RGS9: variants seen among roughly 807,000 people sequenced by gnomAD.
RGS9 encodes the protein regulator of G-protein signalling 9.
RGS9 carries 78 observed loss-of-function variants against 102.0 expected under a neutral mutation model. The ratio of observed to expected loss-of-function variants is 0.76; its 90% CI spans 0.64 to 0.92. The LOEUF is 0.92. RGS9 is among the 40% of genes least tolerant of loss of function. The probability of loss-of-function intolerance (pLI) is 0.00; values close to 1 mark genes in which losing one functional copy is unlikely to be tolerated. For synonymous variants in RGS9, 353 were observed against 318.6 expected, an observed-to-expected ratio of 1.11 and a Z score of -1.15; for missense variants, 833 against 866.1, an observed-to-expected ratio of 0.96 and a Z score of 0.48.
intron 9 of RGS9, among the ~76,000 whole-genome samples, chr17:65,187,876 G>A (rs1414455229): frequency 2.0e-5 from 3 of 152,116 alleles, no homozygotes; most frequent in Non-Finnish European, 2.9e-5. Context: ...TGTGCCTGTA[G>A]TCCCAGCTAC....
chr17:65,225,011 C>T lies in RGS9; in HGVS notation c.1417C>T (p.His473Tyr), dbSNP rs370685530. 2.9e-5 allele frequency: 46 copies of T among 1,613,702 alleles called. No individual in the cohort carries two copies. Among genetic ancestry groups the T allele is most frequent in the Non-Finnish European group, 3.7e-5 (44 of 1,179,990 alleles). The change falls in exon 18 of 19, where the codon CAC becomes TAC. Residue 473 changes from histidine to tyrosine, a missense_variant. By Grantham distance (83) the His-to-Tyr change is moderately conservative. Around this residue, in one of 3 missense-constraint regions of RGS9, gnomAD observed 320 missense variants for 276.8 expected, o/e 1.16. Coordinates refer to ENST00000262406, the MANE Select transcript of RGS9 (RefSeq NM_003835.4). ...NTVDITQPGQ[H>Y]MAPSPHLTVY... ...CTTTCCTTCTCTACAGCCGGGCCAG[C>T]ACATGGCTCCCAGCCCCCATCTGAC...
At chr17:65,165,168 A>G (rs1433380077) in intron 7 of RGS9, among the ~76,000 whole-genome samples, 1 of 152,110 alleles carries the variant, frequency 6.6e-6, no homozygotes, top group East Asian at 1.9e-4. Flanking sequence ...CCACAGGACT[A>G]TGAACCCTGA....
intron 18 of RGS9, among the ~76,000 whole-genome samples, chr17:65,226,785 T>C (rs564031515): frequency 6.6e-6 from 1 of 152,224 alleles, no homozygotes; most frequent in East Asian, 1.9e-4. Flanking sequence ...GCTAATTTTT[T>C]TGTATTTTTA....
intron 3 of RGS9, 79 bp downstream of exon 3, chr17:65,158,424 C>A (rs1910858147): frequency 7.7e-7 from 1 of 1,305,906 alleles, no homozygotes. Context: ...AGAGACTTAG[C>A]CTGTGTTTCT....
At chr17:65,168,780 T>C (rs1433227315) in intron 8 of RGS9, among the ~76,000 whole-genome samples, 1 of 152,130 alleles carries the variant, frequency 6.6e-6, no homozygotes, top group African/African-American at 2.4e-5. Flanking sequence ...TACGTCTGTG[T>C]TGAGCTTCTC....
chr17:65,154,263 C>T (rs946394773), intron 2 of RGS9, among the ~76,000 whole-genome samples: 2 of 152,160 alleles, frequency 1.3e-5, no homozygotes, highest in Admixed American at 6.5e-5. Context: ...GCCAAGATCG[C>T]ACCACTGCAC....
intron 9 of RGS9, among the ~76,000 whole-genome samples, chr17:65,179,494 T>TA (rs1911771216): frequency 6.6e-6 from 1 of 151,928 alleles, no homozygotes; most frequent in South Asian, 2.1e-4. Context: ...TGCTTTTTTT[T>TA]ATGGCTAACT....
rs563396912 is a variant in RGS9, at chr17:65,216,778, C to A, written c.1407+6173C>A. Among the ~76,000 whole-genome samples, 225 of 152,314 alleles carry A rather than the reference C, an allele frequency of 1.5e-3. 1 individual carries two copies. The highest frequency in any genetic ancestry group is 5.0e-3 in the African/African-American group (208 of 41,560). On this transcript the variant is annotated intron_variant, in intron 17 of 18. Transcript: ENST00000262406. ...TAACGGATGCAGAACTGAATAAGAT[C>A]ATCAAGTCTTATTTCATCGAGTTTG...
intron 13 of RGS9, among the ~76,000 whole-genome samples, chr17:65,201,353 G>C (rs972671541): frequency 2.6e-5 from 4 of 152,166 alleles, no homozygotes; most frequent in African/African-American, 9.7e-5. Context: ...CCTTCCCTGA[G>C]GGTCAGTCCA....
At chr17:65,144,112 C>T (rs535971314) in intron 1 of RGS9, among the ~76,000 whole-genome samples, 33 of 152,250 alleles carry the variant, frequency 2.2e-4, no homozygotes, top group Middle Eastern at 3.4e-3. Context: ...GTCTGCGAGA[C>T]ATCGGGTGAG....
Position 65,177,779 on chromosome 17 carries a change from T to C in RGS9, c.630T>C (p.Asn210=). Residue 210 remains asparagine, a synonymous_variant, in exon 9 of 19, where the codon AAT becomes AAC. Transcript: ENST00000262406. ...ACTACGGCCTGGACCGAGTGACCAA[T>C]CCGAATGAAGTCAAGGTAAACCAGG... is the stretch of plus-strand genomic sequence containing the variant. The part of the protein sequence containing the change: ...VLDYGLDRVT[N]PNEVKVNQKQ... 1 of 1,614,204 alleles carries C rather than the reference T, an allele frequency of 6.2e-7. No homozygotes were observed. The highest frequency in any genetic ancestry group is 8.5e-7 in the Non-Finnish European group (1 of 1,180,034).
At chr17:65,192,757 G>A (rs780908420) in intron 11 of RGS9, among the ~76,000 whole-genome samples, 2 of 152,006 alleles carry the variant, frequency 1.3e-5, no homozygotes, top group Admixed American at 1.3e-4. Flanking sequence ...AGTGTGTTTG[G>A]ACCAATTAAG....
At chr17:65,202,273 G>A (rs764748145) in intron 14 of RGS9, among the ~76,000 whole-genome samples, 193 bp downstream of exon 14, 7 of 152,114 alleles carry the variant, frequency 4.6e-5, no homozygotes, top group Non-Finnish European at 1.0e-4. Flanking sequence ...GTTCCCTGAA[G>A]AAAGCCTGGT....
intron 13 of RGS9, among the ~76,000 whole-genome samples, chr17:65,197,746 T>C (rs1912653433): frequency 6.6e-6 from 1 of 151,952 alleles, no homozygotes; most frequent in Non-Finnish European, 1.5e-5. Context: ...CTCAGCTCAC[T>C]GCAACCTCCG....
intron 11 of RGS9, among the ~76,000 whole-genome samples, chr17:65,192,871 G>A (rs918163888): frequency 7.9e-5 from 12 of 152,064 alleles, no homozygotes; most frequent in Admixed American, 2.0e-4. Flanking sequence ...GCAACTTTGG[G>A]CTTCTAAGAT....
chr17:65,219,379 C>T (rs1157350876), intron 17 of RGS9, among the ~76,000 whole-genome samples: 1 of 152,184 alleles, frequency 6.6e-6, no homozygotes, highest in African/African-American at 2.4e-5. Context: ...GCTTCTCCTG[C>T]TAATGTTTAA....
chr17:65,216,331 G>T lies in RGS9; in HGVS notation c.1407+5726G>T, dbSNP rs1424996558. 2.0e-5 allele frequency among the ~76,000 whole-genome samples: 3 copies of T among 152,180 alleles called. No individual in the cohort carries two copies. The South Asian group carries it at 6.2e-4, about 32-fold the overall frequency. On this transcript the variant is annotated intron_variant, in intron 17 of 18. Coordinates refer to ENST00000262406, the MANE Select transcript of RGS9 (RefSeq NM_003835.4). ...CAACTACCAAGCAAACAGAGAGACA[G>T]ATTGGTTTTAGAATTTTACTGTGTC...
chr17:65,193,754 T>C (rs2144072832), intron 12 of RGS9, 98 bp downstream of exon 12: 1 of 749,438 alleles, frequency 1.3e-6, no homozygotes, highest in South Asian at 1.5e-5. Flanking sequence ...AGTTCAATGG[T>C]TTTTATTATA....
At chr17:65,200,705 G>T (rs767258569) in intron 13 of RGS9, among the ~76,000 whole-genome samples, 9 of 152,192 alleles carry the variant, frequency 5.9e-5, no homozygotes, top group Non-Finnish European at 1.0e-4. Flanking sequence ...AAATGCAGTT[G>T]ACCCTTGACC....
Sources: allele counts gnomAD v4.1 joint callset (sites outside exome capture counted in the v4.1 genomes callset), GRCh38; gene constraint gnomAD v4.1.1; regional missense constraint gnomAD v4.1.1; transcripts MANE v1.5; gene names NCBI Gene and HGNC (gene_info 2026-07-23, HGNC 2026-07-21).